The following INPP4B variants were observed in gnomAD, a reference collection of about 807,000 sequenced individuals.
INPP4B encodes inositol polyphosphate-4-phosphatase type II B.
In INPP4B, 55 loss-of-function variants were observed where a neutral mutation model predicts 122.5. That is an observed-to-expected ratio of 0.45 (90% CI 0.36 to 0.56). The LOEUF (loss-of-function observed/expected upper bound fraction) is 0.56, where lower values mean the gene tolerates loss of function less well. Ranked by LOEUF, INPP4B falls within the 20% of genes least tolerant of loss-of-function variation. INPP4B has a pLI of 0.00. For missense variants in INPP4B, 1,000 were observed against 1,097.7 expected, an observed-to-expected ratio of 0.91 and a Z score of 1.26; for synonymous variants, 403 against 388.7, an observed-to-expected ratio of 1.04 and a Z score of -0.43.
At chr4:142,828,786 T>C (rs566541021) in intron 1 of INPP4B, among the ~76,000 whole-genome samples, 1 of 151,794 alleles carries the variant, frequency 6.6e-6, no homozygotes, top group African/African-American at 2.4e-5. Flanking sequence ...CCCAAATAAA[T>C]AAGAGACAGA....
intron 2 of INPP4B, among the ~76,000 whole-genome samples, chr4:142,465,117 T>G (rs554935477): frequency 2.4e-4 from 36 of 152,274 alleles, no homozygotes; most frequent in African/African-American, 8.2e-4. Flanking sequence ...ACAAGATGGG[T>G]AACACTTTAT....
chr4:142,576,183 G>A (rs1560820369), intron 2 of INPP4B, among the ~76,000 whole-genome samples: 1 of 151,464 alleles, frequency 6.6e-6, no homozygotes, highest in Admixed American at 6.6e-5. Context: ...GCTGGGATAT[G>A]GCAGTGAAAA....
chr4:142,125,129 CA>C (rs1477281066), intron 18 of INPP4B, among the ~76,000 whole-genome samples: 1 of 152,008 alleles, frequency 6.6e-6, no homozygotes, highest in African/African-American at 2.4e-5. Context: ...TTAACTTGGT[CA>C]TTAAATTAGT....
At chr4:142,547,828 C>T (rs1726971909) in intron 2 of INPP4B, among the ~76,000 whole-genome samples, 1 of 152,138 alleles carries the variant, frequency 6.6e-6, no homozygotes, top group South Asian at 2.1e-4. Context: ...TTTAGAACCT[C>T]ATGTATTATA....
At chr4:142,199,524 T>C (rs774171445) in intron 14 of INPP4B, among the ~76,000 whole-genome samples, 2 of 152,104 alleles carry the variant, frequency 1.3e-5, no homozygotes, top group Non-Finnish European at 2.9e-5. Context: ...GGAAGGAATA[T>C]AGAATTCCTT....
intron 2 of INPP4B, among the ~76,000 whole-genome samples, chr4:142,638,459 C>A (rs976832688): frequency 6.6e-5 from 10 of 151,778 alleles, no homozygotes; most frequent in African/African-American, 2.4e-4. Flanking sequence ...CATTGTATTG[C>A]CTTTGTTCCT....
rs1228545595 is a variant in INPP4B at position 142,226,273 on chromosome 4, A to G, written c.836+11591T>C. 4.6e-5 allele frequency among the ~76,000 whole-genome samples: 7 copies of G among 151,950 alleles called. No homozygotes were observed. In the South Asian group the frequency reaches 1.0e-3, roughly 22 times the overall value. On this transcript the variant is annotated intron_variant, in intron 12 of 25. Transcript: ENST00000262992. ...ACACACACACAGACCTTAAATACAC[A>G]TAGGATCTCTATGCTGTTTTCAACA... is the stretch of plus-strand genomic sequence containing the variant.
chr4:142,108,058 C>T lies in INPP4B; in HGVS notation c.2374+35G>A, dbSNP rs768281437. On this transcript the variant is annotated intron_variant, in intron 23 of 25. Transcript: ENST00000262992. ...CTTCTAAAGATTTATAATCAAGAAGCTATTATTGCTGTCTTCTCTAACTCA... is the reference window on the plus strand; with the variant it reads ...CTTCTAAAGATTTATAATCAAGAAGTTATTATTGCTGTCTTCTCTAACTCA... 10 of 1,037,454 alleles carry T rather than the reference C, an allele frequency of 9.6e-6. No homozygotes were observed. In the Admixed American group the frequency reaches 1.9e-4, roughly 20 times the overall value. 64.3% of individuals were successfully genotyped at this position (1,037,454 alleles called of 1,614,324 possible). A position where few individuals can be genotyped will look rare whatever the true frequency, so the allele number is the denominator to read the frequency against.
chr4:142,532,181 T>C lies in INPP4B; in HGVS notation c.-190-69455A>G, dbSNP rs372624431. 2.6e-4 allele frequency among the ~76,000 whole-genome samples: 39 copies of C among 152,296 alleles called. 1 individual carries two copies. The highest frequency in any genetic ancestry group is 7.7e-4 in the African/African-American group (32 of 41,568). ...CTTAAACACTTTCAAAGGATTCCAG[T>C]TGTTCCTAAGATAATGAAAAAACCA... On this transcript the variant is annotated intron_variant, in intron 2 of 25. Transcript: ENST00000262992.
intron 2 of INPP4B, among the ~76,000 whole-genome samples, chr4:142,530,410 C>T (rs935651265): frequency 1.3e-5 from 2 of 151,960 alleles, no homozygotes; most frequent in African/African-American, 4.8e-5. Flanking sequence ...TTAAGAACCA[C>T]TGTGGATACT....
At chr4:142,230,114 A>C (rs1853517212) in intron 12 of INPP4B, among the ~76,000 whole-genome samples, 1 of 152,200 alleles carries the variant, frequency 6.6e-6, no homozygotes, top group Non-Finnish European at 1.5e-5. Flanking sequence ...CCAAGAAATA[A>C]CCATTGTTCA....
chr4:142,297,822 C>A (rs13120471), intron 9 of INPP4B, among the ~76,000 whole-genome samples: 33,094 of 151,940 alleles, frequency 0.22, 4,839 homozygotes, highest in African/African-American at 0.42. Flanking sequence ...CAAACCAAGC[C>A]AAAAGTAAGG....
At chr4:142,657,516 C>T (rs1467933978) in intron 2 of INPP4B, among the ~76,000 whole-genome samples, 2 of 152,110 alleles carry the variant, frequency 1.3e-5, no homozygotes, top group African/African-American at 4.8e-5. Context: ...ATTGAAACTA[C>T]TAGAAATAGA....
At position 142,028,919 on chromosome 4, in the gene INPP4B, T is replaced by C; in HGVS notation, c.2643-5A>G. The C allele has an allele frequency of 6.2e-7, 1 of 1,607,088 alleles. No homozygotes were observed. Among genetic ancestry groups the C allele is most frequent in the Non-Finnish European group, 8.5e-7 (1 of 1,177,580 alleles). On this transcript the variant is annotated splice_polypyrimidine_tract_variant and splice_region_variant and intron_variant, in intron 25 of 25. Transcript: ENST00000262992. ...TTCTCTATGCGGCATCCTTCTCTGG[T>C]GAAAGGGGAAAAAGTACAACTTCAT...
Position 142,238,159 on chromosome 4 carries a change from T to A in INPP4B, c.689-148A>T, listed in dbSNP as rs78235021. ...TTTTAAATCAAAATCCATTAGTGTA[T>A]CTGAATTTCTAAGAATTTTATTTTG... is the stretch of plus-strand genomic sequence containing the variant. On this transcript the variant is annotated intron_variant, in intron 11 of 25. Coordinates refer to ENST00000262992, the MANE Select transcript of INPP4B (RefSeq NM_001101669.3). 921 of 449,108 alleles carry A rather than the reference T, an allele frequency of 2.1e-3. 13 individuals carry two copies. The highest frequency in any genetic ancestry group is 0.017 in the African/African-American group (846 of 50,138). The allele number at this position is 449,108 out of a possible 1,614,324, so 27.8% of individuals were successfully genotyped here.
At chr4:142,335,129 A>AAAAAAAAAC in intron 7 of INPP4B, among the ~76,000 whole-genome samples, 1 of 151,204 alleles carries the variant, frequency 6.6e-6, no homozygotes, top group African/African-American at 2.4e-5. Context: ...AAAAAAAAAA[A>AAAAAAAAAC]AAAGTCTGAG....
intron 1 of INPP4B, among the ~76,000 whole-genome samples, chr4:142,784,364 A>AAAATAAATAAAT (rs3080884): frequency 8.4e-4 from 116 of 137,784 alleles, no homozygotes; most frequent in South Asian, 1.5e-3. Context: ...CTCTGTCTCA[A>AAAATAAATAAAT]AAATAAATAA....
chr4:142,173,588 T>G, intron 16 of INPP4B, 44 bp downstream of exon 16: 14 of 1,534,608 alleles, frequency 9.1e-6, no homozygotes, highest in Non-Finnish European at 1.2e-5. Flanking sequence ...AATGGGAATT[T>G]GAGTATTTCA....
At chr4:142,048,050 C>A (rs896152363) in intron 25 of INPP4B, among the ~76,000 whole-genome samples, 1 of 152,116 alleles carries the variant, frequency 6.6e-6, no homozygotes, top group African/African-American at 2.4e-5. Context: ...GATCACCTCA[C>A]CCCAGTGGTC....
Sources: gnomAD v4.1 joint callset for allele counts (sites outside exome capture counted in the v4.1 genomes callset) on GRCh38, gnomAD v4.1.1 for gene constraint, MANE v1.5 for transcripts, NCBI Gene and HGNC (gene_info 2026-07-23, HGNC 2026-07-21) for gene names.